Variants in SLC9A9 observed in about 807,000 individuals in gnomAD.
SLC9A9 encodes the protein solute carrier family 9 member A9.
A neutral mutation model predicts 77.8 loss-of-function variants in SLC9A9; 62 were observed. That is an observed-to-expected ratio of 0.80 (90% CI 0.65 to 0.98). The LOEUF is 0.98. Among genes scored for constraint, SLC9A9 ranks in the 50% least tolerant of loss-of-function variants. The pLI, the probability that SLC9A9 is intolerant of heterozygous loss-of-function variation, is 0.00. For synonymous variants in SLC9A9, 320 were observed against 283.5 expected (o/e 1.13, Z -1.29); for missense variants, 775 against 774.9 (o/e 1.00, Z 0.00).
intron 9 of SLC9A9, among the ~76,000 whole-genome samples, chr3:143,510,305 C>T (rs937920970): frequency 1.3e-5 from 2 of 151,910 alleles, no homozygotes; most frequent in African/African-American, 2.4e-5. Flanking sequence ...TTGTGGTGTA[C>T]TTTGTGAAAG....
intron 6 of SLC9A9, among the ~76,000 whole-genome samples, chr3:143,615,377 A>T (rs1167858304): frequency 2.6e-5 from 4 of 151,848 alleles, no homozygotes; most frequent in Admixed American, 2.6e-4. Flanking sequence ...TAAGAACAGA[A>T]ATCTTCCAAA....
At chr3:143,824,728 T>C (rs1385560002) in intron 2 of SLC9A9, among the ~76,000 whole-genome samples, 2 of 152,162 alleles carry the variant, frequency 1.3e-5, no homozygotes, top group Non-Finnish European at 2.9e-5. Flanking sequence ...ATGAAGAAAA[T>C]CTGTGTTGTT....
chr3:143,268,032 C>T (rs1262611436), intron 15 of SLC9A9, among the ~76,000 whole-genome samples: 5 of 152,210 alleles, frequency 3.3e-5, no homozygotes, highest in Non-Finnish European at 7.3e-5. Flanking sequence ...CCAAGTGAGG[C>T]TGCTGGTTTG....
chr3:143,551,237 A>T (rs1490538948), intron 9 of SLC9A9, among the ~76,000 whole-genome samples: 2 of 152,216 alleles, frequency 1.3e-5, no homozygotes, highest in Admixed American at 6.5e-5. Flanking sequence ...CACAGCCCTC[A>T]AAAGGAGCTA....
intron 9 of SLC9A9, among the ~76,000 whole-genome samples, chr3:143,501,045 A>G (rs535775615): frequency 6.6e-6 from 1 of 150,772 alleles, no homozygotes; most frequent in Admixed American, 6.6e-5. Context: ...ATCAATTTAA[A>G]GGAGAAAACA....
chr3:143,553,530 T>A lies in SLC9A9; in HGVS notation c.1001-1080A>T, dbSNP rs749949824. 4.8e-4 allele frequency among the ~76,000 whole-genome samples: 73 copies of A among 152,190 alleles called. 1 individual carries two copies. The highest frequency in any genetic ancestry group is 1.2e-4 in the Non-Finnish European group (8 of 68,036). Reference sequence around the variant, plus strand: ...CTTAAGAGTATAGAGATATGTGAACTGAATACTGACATTTCAAGTGAATCT... The same window carrying A: ...CTTAAGAGTATAGAGATATGTGAACAGAATACTGACATTTCAAGTGAATCT... On this transcript the variant is annotated intron_variant, in intron 8 of 15. Coordinates refer to ENST00000316549, the MANE Select transcript of SLC9A9 (RefSeq NM_173653.4).
intron 14 of SLC9A9, among the ~76,000 whole-genome samples, chr3:143,282,771 A>G (rs77438132): frequency 0.014 from 2,099 of 152,310 alleles, 55 homozygotes; most frequent in African/African-American, 0.048. Context: ...TCTGTTAACC[A>G]TACATAGATT....
chr3:143,312,867 C>T (rs1398283547), intron 14 of SLC9A9, among the ~76,000 whole-genome samples: 3 of 152,336 alleles, frequency 2.0e-5, no homozygotes, highest in South Asian at 2.1e-4. Flanking sequence ...CGCTTTACGT[C>T]GCCAATGTAA....
chr3:143,595,401 A>C (rs1228205389), intron 6 of SLC9A9, among the ~76,000 whole-genome samples: 1 of 152,230 alleles, frequency 6.6e-6, no homozygotes, highest in Non-Finnish European at 1.5e-5. Flanking sequence ...ATCCAGGGAA[A>C]TGCTTTGACT....
chr3:143,591,398 G>T (rs1226409070), intron 6 of SLC9A9, among the ~76,000 whole-genome samples: 1 of 152,186 alleles, frequency 6.6e-6, no homozygotes, highest in Non-Finnish European at 1.5e-5. Flanking sequence ...GGAACTGCAG[G>T]CCAGCAAATC....
At chr3:143,511,949 C>T (rs2036122325) in intron 9 of SLC9A9, among the ~76,000 whole-genome samples, 1 of 152,176 alleles carries the variant, frequency 6.6e-6, no homozygotes, top group African/African-American at 2.4e-5. Flanking sequence ...CCTGGAATTT[C>T]ACCTTGTGGT....
intron 1 of SLC9A9, among the ~76,000 whole-genome samples, chr3:143,847,402 A>C (rs1339521075): frequency 6.6e-6 from 1 of 152,160 alleles, no homozygotes; most frequent in African/African-American, 2.4e-5. Context: ...GACTTTATTA[A>C]ACTTTCTGAA....
At chr3:143,389,520 G>C (rs868160098) in intron 12 of SLC9A9, among the ~76,000 whole-genome samples, 18 of 152,210 alleles carry the variant, frequency 1.2e-4, no homozygotes, top group Non-Finnish European at 2.1e-4. Flanking sequence ...TATTAAAGAA[G>C]GAGAAGCATG....
At position 143,289,604 on chromosome 3, in the gene SLC9A9, C is replaced by G. The variant is rs147374060; in HGVS notation, c.1605-20624G>C. 8.7e-3 allele frequency among the ~76,000 whole-genome samples: 1,323 copies of G among 152,288 alleles called. 26 individuals carry two copies. Among genetic ancestry groups the G allele is most frequent in the South Asian group, 0.068 (327 of 4,824 alleles). ...ACTCTTTCCTCTCCCTTCTGCACAA[C>G]AGTCAATCCATCCATCAATAAGTTC... On this transcript the variant is annotated intron_variant, in intron 14 of 15. Coordinates refer to ENST00000316549, the MANE Select transcript of SLC9A9 (RefSeq NM_173653.4).
chr3:143,750,954 A>G (rs1288384398), intron 4 of SLC9A9, among the ~76,000 whole-genome samples: 2 of 152,064 alleles, frequency 1.3e-5, no homozygotes, highest in Non-Finnish European at 2.9e-5. Flanking sequence ...ATATTTATGT[A>G]TTTTTTCTCT....
chr3:143,404,632 A>G (rs1160475168), intron 12 of SLC9A9, among the ~76,000 whole-genome samples: 3 of 151,952 alleles, frequency 2.0e-5, no homozygotes, highest in South Asian at 2.1e-4. Context: ...CAAGGGCTGC[A>G]CTAATCTACC....
intron 6 of SLC9A9, among the ~76,000 whole-genome samples, chr3:143,617,377 A>G (rs1471117936): frequency 6.6e-6 from 1 of 152,214 alleles, no homozygotes; most frequent in Non-Finnish European, 1.5e-5. Context: ...CATAAAGCCT[A>G]AAATATTTAC....
intron 12 of SLC9A9, among the ~76,000 whole-genome samples, chr3:143,412,214 G>A (rs2034108482): frequency 6.6e-6 from 1 of 152,078 alleles, no homozygotes; most frequent in African/African-American, 2.4e-5. Flanking sequence ...AGATGCAATG[G>A]AACCAGAAGT....
At chr3:143,449,745 TA>T (rs1398558704) in intron 12 of SLC9A9, among the ~76,000 whole-genome samples, 1 of 73,560 alleles carries the variant, frequency 1.4e-5, no homozygotes, top group Admixed American at 2.3e-4. Flanking sequence ...TTATATAAAA[TA>T]AAAATTATAC....
Sources: allele counts gnomAD v4.1 joint callset (sites outside exome capture counted in the v4.1 genomes callset), GRCh38; gene constraint gnomAD v4.1.1; transcripts MANE v1.5; gene names NCBI Gene and HGNC (gene_info 2026-07-23, HGNC 2026-07-21).